ATRNL1: variants seen among roughly 807,000 people sequenced by gnomAD.
ATRNL1 encodes attractin like 1, also known as attractin-like protein 1.
A neutral mutation model predicts 182.7 loss-of-function variants in ATRNL1; 95 were observed. The ratio of observed to expected loss-of-function variants is 0.52; its 90% CI spans 0.44 to 0.62. The LOEUF (loss-of-function observed/expected upper bound fraction) is 0.62. ATRNL1 is among the 20% of genes least tolerant of loss of function. The pLI is 0.00. For missense variants in ATRNL1, 1,471 were observed against 1,679.5 expected (o/e 0.88, Z 2.17); for synonymous variants, 576 against 568.3 (o/e 1.01, Z -0.19).
chr10:115,538,556 TA>T (rs1852172938), intron 25 of ATRNL1, among the ~76,000 whole-genome samples: 2 of 152,230 alleles, frequency 1.3e-5, no homozygotes, highest in Non-Finnish European at 2.9e-5. Flanking sequence ...TTTTGCTGTT[TA>T]TTTTTGAATA....
intron 21 of ATRNL1, among the ~76,000 whole-genome samples, chr10:115,446,311 A>T (rs1846985019): frequency 6.6e-6 from 1 of 151,898 alleles, no homozygotes; most frequent in African/African-American, 2.4e-5. Flanking sequence ...TGTATTAATT[A>T]TTCTGTTTTC....
In ATRNL1 at chr10:115,945,398, C is replaced by A. The variant is rs1422496080; in HGVS notation, c.*619C>A. ...CAGAATGAGTTCAACTCATTCTGTG[C>A]AACTTCACAGGGGGTTTATTAGAAT... On this transcript the variant is annotated 3_prime_UTR_variant, in exon 29 of 29. Coordinates refer to ENST00000355044, the MANE Select transcript of ATRNL1 (RefSeq NM_207303.4). 3.9e-5 allele frequency: 6 copies of A among 152,118 alleles called. No homozygotes were observed. Among genetic ancestry groups the A allele is most frequent in the Non-Finnish European group, 8.8e-5 (6 of 68,042 alleles). 9.4% of individuals were successfully genotyped at this position (152,118 alleles called of 1,614,324 possible). A position where few individuals can be genotyped will look rare whatever the true frequency, so the allele number is the denominator to read the frequency against.
At chr10:115,244,359 A>G (rs567326993) in intron 10 of ATRNL1, among the ~76,000 whole-genome samples, 2 of 152,216 alleles carry the variant, frequency 1.3e-5, no homozygotes, top group South Asian at 2.1e-4. Flanking sequence ...TTCCCATTCT[A>G]TTATTGCATG....
chr10:115,911,505 G>T (rs1300618815), intron 28 of ATRNL1, among the ~76,000 whole-genome samples: 2 of 151,988 alleles, frequency 1.3e-5, no homozygotes, highest in African/African-American at 4.8e-5. Flanking sequence ...TTTTAGTAAA[G>T]ATAGGATTTC....
chr10:115,178,185 C>T (rs553165759), intron 8 of ATRNL1, among the ~76,000 whole-genome samples: 1 of 152,158 alleles, frequency 6.6e-6, no homozygotes, highest in East Asian at 1.9e-4. Flanking sequence ...GCTGGGACTA[C>T]AGACATGAGC....
rs535021841 is a variant in ATRNL1 at position 115,200,472 on chromosome 10, G to A, written c.1349-15225G>A. On this transcript the variant is annotated intron_variant, in intron 8 of 28. Transcript: ENST00000355044. The stretch of plus-strand genomic sequence containing the variant: ...AATTCCCATCTATGAGTGAGAACAT[G>A]TAGTGTTTGGTTTTTTGTCCTTGTG... Among the ~76,000 whole-genome samples, 201 of 147,314 alleles carry A rather than the reference G, an allele frequency of 1.4e-3. 1 individual carries two copies. The highest frequency in any genetic ancestry group is 4.8e-3 in the African/African-American group (190 of 39,808).
Position 115,266,969 on chromosome 10 carries a change from A to C in ATRNL1, c.1945A>C (p.Asn649His). The C allele has an allele frequency of 6.2e-7, 1 of 1,611,802 alleles. No homozygotes were observed. The highest frequency in any genetic ancestry group is 8.5e-7 in the Non-Finnish European group (1 of 1,178,656). The change falls in exon 12 of 29, where the codon AAT (asparagine) becomes CAT (histidine). Residue 649 changes from asparagine to histidine, a missense_variant. Physicochemically the swap from Asn to His is moderately conservative, Grantham distance 68. Transcript: ENST00000355044. ...TGAATCTTGGGAATCTGGGAATACTAATAATATTCTTAGAGCAAAGTGCCC... is the reference window on the plus strand; with the variant it reads ...TGAATCTTGGGAATCTGGGAATACTCATAATATTCTTAGAGCAAAGTGCCC... The part of the protein sequence containing the change: ...HCESWESGNT[N>H]NILRAKCPPK...
At chr10:115,588,025 A>G (rs1354832816) in intron 26 of ATRNL1, among the ~76,000 whole-genome samples, 1 of 152,204 alleles carries the variant, frequency 6.6e-6, no homozygotes, top group Admixed American at 6.5e-5. Context: ...AAATGGTTCA[A>G]ATTCACTAGG....
intron 25 of ATRNL1, 130 bp downstream of exon 25, chr10:115,519,454 T>C (rs1216443446): frequency 5.6e-6 from 4 of 709,056 alleles, no homozygotes. Flanking sequence ...AATAGCTTTA[T>C]ATGCTTAAAT....
chr10:115,828,826 G>A (rs547027068), intron 27 of ATRNL1, among the ~76,000 whole-genome samples: 1 of 152,246 alleles, frequency 6.6e-6, no homozygotes, highest in East Asian at 1.9e-4. Flanking sequence ...TTATCAGCCT[G>A]TGCAGGACAA....
intron 26 of ATRNL1, among the ~76,000 whole-genome samples, chr10:115,630,599 C>T (rs1858420398): frequency 6.6e-6 from 1 of 150,952 alleles, no homozygotes; most frequent in Admixed American, 6.6e-5. Context: ...AATATGCAAA[C>T]AACCCATTTG....
intron 28 of ATRNL1, among the ~76,000 whole-genome samples, chr10:115,915,622 A>T (rs1555117058): frequency 6.6e-6 from 1 of 152,238 alleles, no homozygotes; most frequent in African/African-American, 2.4e-5. Flanking sequence ...ATATGTGCTT[A>T]GCTGTGCACT....
chr10:115,597,746 CCA>C (rs1856343219), intron 26 of ATRNL1: 16 of 436,466 alleles, frequency 3.7e-5, no homozygotes, highest in Non-Finnish European at 4.6e-6. Context: ...TGGGGTTTCA[CCA>C]TGTTGGCCAG....
At chr10:115,944,614 A>T in intron 28 of ATRNL1, 44 bp from the exon 29 acceptor site, 1 of 1,541,484 alleles carries the variant, frequency 6.5e-7, no homozygotes, top group South Asian at 1.3e-5. Context: ...GCCATCCCAG[A>T]AATGTCTAAG....
intron 5 of ATRNL1, among the ~76,000 whole-genome samples, chr10:115,139,230 C>T (rs1316878196): frequency 1.3e-5 from 2 of 152,208 alleles, no homozygotes; most frequent in African/African-American, 4.8e-5. Flanking sequence ...CTATCTTCTT[C>T]TGAGCCTTTC....
rs201945195 is a variant in ATRNL1 at position 115,691,723 on chromosome 10, A to AAATCAATC, written c.3796-35504_3796-35497dup. ...GGTGACAGAGGCAGACCCTGTCTAA[A>AAATCAATC]AATCAATCAATCAATCAATCAATCA... is the stretch of plus-strand genomic sequence containing the variant. On this transcript the variant is annotated intron_variant, in intron 26 of 28. Coordinates refer to ENST00000355044, the MANE Select transcript of ATRNL1 (RefSeq NM_207303.4). Among the ~76,000 whole-genome samples, 1,095 of 152,106 alleles carry AAATCAATC rather than the reference A, an allele frequency of 7.2e-3. 9 individuals carry two copies. Among genetic ancestry groups the AAATCAATC allele is most frequent in the African/African-American group, 0.024 (998 of 41,414 alleles).
At position 115,557,822 on chromosome 10, in the gene ATRNL1, G is replaced by A. The variant is rs147019074; in HGVS notation, c.3795+8286G>A. ...GACACTTTGAGAGGCCGAGGCTGGCGGATCATGAGGTCAAGAGATCGAGAC... is the reference window on the plus strand; with the variant it reads ...GACACTTTGAGAGGCCGAGGCTGGCAGATCATGAGGTCAAGAGATCGAGAC... On this transcript the variant is annotated intron_variant, in intron 26 of 28. Coordinates refer to ENST00000355044, the MANE Select transcript of ATRNL1 (RefSeq NM_207303.4). Among the ~76,000 whole-genome samples the A allele has an allele frequency of 1.6e-3, 250 of 152,198 alleles. 2 individuals carry two copies. The highest frequency in any genetic ancestry group is 5.8e-3 in the African/African-American group (239 of 41,534).
chr10:115,635,771 G>A (rs1858830934), intron 26 of ATRNL1, among the ~76,000 whole-genome samples: 1 of 152,044 alleles, frequency 6.6e-6, no homozygotes, highest in Admixed American at 6.6e-5. Context: ...ACAAAAGATA[G>A]TAATGGTATG....
At chr10:115,709,310 C>T (rs1946993542) in intron 26 of ATRNL1, among the ~76,000 whole-genome samples, 1 of 151,874 alleles carries the variant, frequency 6.6e-6, no homozygotes, top group Non-Finnish European at 1.5e-5. Flanking sequence ...GTCACACATT[C>T]AGATACCTTG....
Sources: allele counts gnomAD v4.1 joint callset (sites outside exome capture counted in the v4.1 genomes callset), GRCh38; gene constraint gnomAD v4.1.1; transcripts MANE v1.5; gene names NCBI Gene and HGNC (gene_info 2026-07-23, HGNC 2026-07-21).